LEF1: variants seen among roughly 807,000 people sequenced by gnomAD.
LEF1 encodes lymphoid enhancer-binding factor 1.
In LEF1, 14 loss-of-function variants were observed where a neutral mutation model predicts 51.2. That is an observed-to-expected ratio of 0.27 (90% CI 0.18 to 0.43). The LOEUF is 0.43. LEF1 is among the 20% of genes least tolerant of loss of function. The pLI is 1.00. For synonymous variants in LEF1, 185 were observed against 183.2 expected (o/e 1.01, Z -0.08); for missense variants, 386 against 512.0 (o/e 0.75, Z 2.37).
At position 108,108,905 on chromosome 4, in the gene LEF1, T is replaced by G. The variant is rs553975084; in HGVS notation, c.415-19648A>C. Among the ~76,000 whole-genome samples the G allele has an allele frequency of 2.6e-5, 4 of 152,330 alleles. No homozygotes were observed. The East Asian group carries it at 5.8e-4, about 22-fold the overall frequency. On this transcript the variant is annotated intron_variant, in intron 3 of 11. Transcript: ENST00000265165. ...AGATCGTACAAATAGAGTTGACTTA[T>G]GTGTGTATTTCATTTTGTATCTGCA...
At chr4:108,070,046 A>C (rs1738357956) in intron 9 of LEF1, among the ~76,000 whole-genome samples, 1 of 151,652 alleles carries the variant, frequency 6.6e-6, no homozygotes, top group African/African-American at 2.4e-5. Flanking sequence ...ATAGCCCTAA[A>C]TACAGAAAAA....
chr4:108,068,266 TCAAAACAAAACAAAA>T (rs373744253), intron 9 of LEF1, among the ~76,000 whole-genome samples: 10 of 151,582 alleles, frequency 6.6e-5, no homozygotes, highest in African/African-American at 9.7e-5. Flanking sequence ...AATCTCTGTC[TCAAAACAAAACAAAA>T]CAAAACAAAA....
chr4:108,150,912 T>C (rs549306884), intron 3 of LEF1, among the ~76,000 whole-genome samples: 37 of 152,306 alleles, frequency 2.4e-4, no homozygotes, highest in African/African-American at 8.4e-4. Flanking sequence ...AATACTTATT[T>C]CTCATAATCA....
At chr4:108,095,780 C>T (rs6533348) in intron 3 of LEF1, among the ~76,000 whole-genome samples, 7,171 of 152,154 alleles carry the variant, frequency 0.047, 230 homozygotes, top group South Asian at 0.091. Flanking sequence ...TCTGTTTTAT[C>T]GAGAAGGAAA....
Position 108,167,887 on chromosome 4 carries a change from C to A in LEF1, c.-120G>T. On this transcript the variant is annotated 5_prime_UTR_variant, in exon 1 of 12. Coordinates refer to ENST00000265165, the MANE Select transcript of LEF1 (RefSeq NM_016269.5). This position sits in a 1 kb window ranked among gnomAD's most constrained non-coding sequence, Gnocchi z 5.7. ...AGTTGGAAGGGTTCGTGCAGCAGGA[C>A]AGCGGGCGGAAGCGGGGCGGGCGAG... The A allele has an allele frequency of 1.3e-6, 1 of 766,898 alleles. No individual in the cohort carries two copies. The highest frequency in any genetic ancestry group is 3.4e-5 in the Admixed American group (1 of 29,804). 47.5% of individuals were successfully genotyped at this position (766,898 alleles called of 1,614,324 possible). A position where few individuals can be genotyped will look rare whatever the true frequency, so the allele number is the denominator to read the frequency against.
At chr4:108,095,703 A>C (rs572160707) in intron 3 of LEF1, among the ~76,000 whole-genome samples, 3 of 152,334 alleles carry the variant, frequency 2.0e-5, no homozygotes, top group African/African-American at 7.2e-5. Context: ...AGTTCTCTGT[A>C]AGGTGGTGAA....
chr4:108,156,804 A>C (rs560661859), intron 3 of LEF1, among the ~76,000 whole-genome samples: 47 of 152,110 alleles, frequency 3.1e-4, no homozygotes, highest in African/African-American at 1.1e-3. Flanking sequence ...GTGTGAGCTA[A>C]ATAATGTGGA....
At chr4:108,110,839 C>A (rs1741488532) in intron 3 of LEF1, among the ~76,000 whole-genome samples, 1 of 152,222 alleles carries the variant, frequency 6.6e-6, no homozygotes, top group African/African-American at 2.4e-5. Context: ...AGTAAGCACA[C>A]TGCAATCTTT....
intron 3 of LEF1, among the ~76,000 whole-genome samples, chr4:108,122,958 C>T (rs1287997373): frequency 6.6e-6 from 1 of 152,242 alleles, no homozygotes; most frequent in Admixed American, 6.5e-5. Context: ...TACGACAACA[C>T]AGATTTAAAG....
intron 11 of LEF1, among the ~76,000 whole-genome samples, chr4:108,060,399 G>C (rs1021391529): frequency 1.3e-5 from 2 of 152,158 alleles, no homozygotes; most frequent in African/African-American, 4.8e-5. Context: ...GACAGACAGG[G>C]ATCTCAGAGG....
intron 3 of LEF1, among the ~76,000 whole-genome samples, chr4:108,144,397 C>T (rs191916738): frequency 6.6e-6 from 1 of 152,262 alleles, no homozygotes; most frequent in Non-Finnish European, 1.5e-5. Flanking sequence ...CTGTCTTCCC[C>T]AAGTCAAATG....
intron 3 of LEF1, among the ~76,000 whole-genome samples, chr4:108,091,765 C>T (rs1239921412): frequency 1.3e-5 from 2 of 151,990 alleles, no homozygotes; most frequent in African/African-American, 4.8e-5. Context: ...ATTTAGAATG[C>T]TAGAAGTGGG....
chr4:108,136,339 T>C (rs990096338), intron 3 of LEF1, among the ~76,000 whole-genome samples: 1 of 152,182 alleles, frequency 6.6e-6, no homozygotes, highest in Admixed American at 6.5e-5. Flanking sequence ...CCCCAAAACC[T>C]TCAAAACTTA....
At chr4:108,151,878 T>C (rs1398206092) in intron 3 of LEF1, among the ~76,000 whole-genome samples, 2 of 152,214 alleles carry the variant, frequency 1.3e-5, no homozygotes, top group Admixed American at 1.3e-4. Context: ...ATACCTGGTG[T>C]TGTTGCGTTA....
In LEF1 at chr4:108,167,833, G is replaced by A. The variant is rs1477035521; in HGVS notation, c.-66C>T. On this transcript the variant is annotated 5_prime_UTR_variant, in exon 1 of 12. Coordinates refer to ENST00000265165, the MANE Select transcript of LEF1 (RefSeq NM_016269.5). The surrounding 1 kb of genome is among the most constrained non-coding windows in gnomAD (Gnocchi z 5.7). ...CGCGCAACAGCAGGAAAGACAGAGG[G>A]GTAACTCAAGGGTGGGGGAGGAAAG... 5 of 1,391,332 alleles carry A rather than the reference G, an allele frequency of 3.6e-6. No homozygotes were observed. Among genetic ancestry groups the A allele is most frequent in the East Asian group, 2.3e-5 (1 of 43,806 alleles). The allele number at this position is 1,391,332 out of a possible 1,614,324, so 86.2% of individuals were successfully genotyped here. A position where few individuals can be genotyped will look rare whatever the true frequency, so the allele number is the denominator to read the frequency against.
intron 3 of LEF1, among the ~76,000 whole-genome samples, chr4:108,153,138 CAAGG>C: frequency 6.6e-6 from 1 of 152,294 alleles, no homozygotes; most frequent in East Asian, 1.9e-4. Context: ...GCACTCTCTA[CAAGG>C]AAGGACACTC....
chr4:108,153,475 T>C (rs1744488164), intron 3 of LEF1, among the ~76,000 whole-genome samples: 1 of 152,250 alleles, frequency 6.6e-6, no homozygotes, highest in African/African-American at 2.4e-5. Context: ...TGTCTGACTT[T>C]GCTGGACTAA....
chr4:108,099,582 A>ATGTG (rs1211981646), intron 3 of LEF1, among the ~76,000 whole-genome samples: 2,139 of 45,548 alleles, frequency 0.047, 163 homozygotes, highest in Middle Eastern at 0.071. Context: ...ATATATATAT[A>ATGTG]TATATATATA....
intron 3 of LEF1, among the ~76,000 whole-genome samples, chr4:108,091,738 C>G (rs1385326154): frequency 6.6e-6 from 1 of 152,090 alleles, no homozygotes; most frequent in Non-Finnish European, 1.5e-5. Flanking sequence ...ACAGAATAAG[C>G]TTCTTAAATA....
Sources: allele counts gnomAD v4.1 joint callset (sites outside exome capture counted in the v4.1 genomes callset), GRCh38; gene constraint gnomAD v4.1.1; non-coding constraint Gnocchi (gnomAD v3.1); transcripts MANE v1.5; gene names NCBI Gene and HGNC (gene_info 2026-07-23, HGNC 2026-07-21).